NOX1: variants seen among roughly 807,000 people sequenced by gnomAD.
NOX1 encodes NADH/NADPH mitogenic oxidase subunit P65-MOX.
Under a neutral mutation model 42.5 loss-of-function variants are expected in NOX1, and 34 were observed. That is an observed-to-expected ratio of 0.80 (90% CI 0.61 to 1.07). NOX1 has a LOEUF of 1.07. Among genes scored for constraint, NOX1 ranks in the 50% least tolerant of loss-of-function variants. The pLI is 0.00. For missense variants in NOX1, 408 were observed against 427.0 expected, an observed-to-expected ratio of 0.96 and a Z score of 0.39; for synonymous variants, 143 against 152.5, an observed-to-expected ratio of 0.94 and a Z score of 0.46.
chrX:100,862,206 A>G lies in NOX1; in HGVS notation c.769T>C (p.Cys257Arg), dbSNP rs1418513902. Reference sequence around the variant, plus strand: ...TGCCCTTCAAACTTAGGGCGCCTACAGTGGGAGTCACGATCATCCCACATC... The same window carrying G: ...TGCCCTTCAAACTTAGGGCGCCTACGGTGGGAGTCACGATCATCCCACATC... ...FEMWDDRDSH[C>R]RRPKFEGHPP... is the part of the protein sequence containing the mutation. The change falls in exon 7 of 13, where the codon TGT becomes CGT. Residue 257 changes from cysteine to arginine, a missense_variant. Cys to Arg is a radical substitution (Grantham distance 180, BLOSUM62 -3). Transcript: ENST00000372966. 8.3e-7 allele frequency: 1 copy of G among 1,211,833 alleles called. No individual in the cohort carries two copies. The highest frequency in any genetic ancestry group is 2.2e-5 in the Admixed American group (1 of 46,099).
chrX:100,852,662 C>T (rs150091317), intron 7 of NOX1, among the ~76,000 whole-genome samples: 1 of 111,584 alleles, frequency 9.0e-6, no homozygotes, highest in Admixed American at 9.6e-5. Context: ...CTGGTGCAAG[C>T]AAATAACTTC....
At chrX:100,853,326 C>T (rs55746837) in intron 7 of NOX1, among the ~76,000 whole-genome samples, 1,723 of 19,802 alleles carry the variant, frequency 0.087, 86 homozygotes, top group African/African-American at 0.24. Context: ...TTCTTTCTCT[C>T]TCTTTCTCTT....
At chrX:100,853,635 G>A (rs1280467294) in intron 7 of NOX1, among the ~76,000 whole-genome samples, 3 of 96,751 alleles carry the variant, frequency 3.1e-5, no homozygotes, top group South Asian at 1.1e-3. Flanking sequence ...TGCTGGCCTC[G>A]AATGATCCAC....
At position 100,862,289 on chromosome X, in the gene NOX1, C is replaced by A; in HGVS notation, c.686G>T (p.Gly229Val). ...CTCATTCATGCTCTCCTCTGTTTGA[C>A]CCCGGACAATTCCACTGAAATAGAC... is the stretch of plus-strand genomic sequence containing the variant. The part of the protein sequence containing the change: ...GIHGIGGIVR[G>V]QTEESMNESH... The change falls in exon 7 of 13, where the codon GGT becomes GTT. Residue 229 changes from glycine to valine, a missense_variant. Gly to Val is a moderately radical substitution (Grantham distance 109). Coordinates refer to ENST00000372966, the MANE Select transcript of NOX1 (RefSeq NM_007052.5). The A allele has an allele frequency of 8.3e-7, 1 of 1,211,180 alleles. No homozygotes were observed. The highest frequency in any genetic ancestry group is 3.0e-5 in the East Asian group (1 of 33,803).
intron 7 of NOX1, among the ~76,000 whole-genome samples, chrX:100,853,323 TC>T (rs1409222998): frequency 0.028 from 555 of 19,931 alleles, 15 homozygotes; most frequent in African/African-American, 0.13. Flanking sequence ...TCTTTCTTTC[TC>T]TCTCTTTCTC....
chrX:100,866,179 G>A (rs942752468), intron 2 of NOX1, among the ~76,000 whole-genome samples: 4 of 105,342 alleles, frequency 3.8e-5, no homozygotes, highest in African/African-American at 7.0e-5. Context: ...CAGAGATTGC[G>A]CCACTGCACT....
rs747287139 is a variant in NOX1 at position 100,849,303 on chromosome X, G to A, written c.1420C>T (p.Leu474Phe). Residue 474 changes from leucine to phenylalanine, a missense_variant, in exon 11 of 13, where the codon CTC (leucine) becomes TTC (phenylalanine). Leu to Phe is a conservative substitution (Grantham distance 22). Transcript: ENST00000372966. ...KVGFLNYRLF[L>F]TGWDSNIVGH... is the part of the protein sequence containing the mutation. Reference sequence around the variant, plus strand: ...ACAATATTGCTGTCCCATCCGGTGAGGAAGAGACGGTAGTTTAGAAAACCC... The same window carrying A: ...ACAATATTGCTGTCCCATCCGGTGAAGAAGAGACGGTAGTTTAGAAAACCC... 13 of 1,209,727 alleles carry A rather than the reference G, an allele frequency of 1.1e-5. No homozygotes were observed. Among genetic ancestry groups the A allele is most frequent in the Non-Finnish European group, 1.5e-5 (13 of 894,965 alleles).
intron 12 of NOX1, among the ~76,000 whole-genome samples, chrX:100,845,617 T>G (rs892512011): frequency 1.1e-5 from 1 of 92,929 alleles, no homozygotes; most frequent in Non-Finnish European, 2.1e-5. Flanking sequence ...ATGTGTTTTT[T>G]TTTTTTTTTT....
At position 100,849,760 on chromosome X, in the gene NOX1, A is replaced by G. The variant is rs1569444375; in HGVS notation, c.1296+12T>C. The G allele has an allele frequency of 1.1e-5, 13 of 1,190,817 alleles. No homozygotes were observed. Among genetic ancestry groups the G allele is most frequent in the Non-Finnish European group, 1.5e-5 (13 of 884,395 alleles). ...ACTCAGGCCAGAAGAAAAGTGATAT[A>G]CGGGATTATACCTTTTTTGTTTTGA... is the stretch of plus-strand genomic sequence containing the variant. On this transcript the variant is annotated intron_variant, in intron 10 of 12. Coordinates refer to ENST00000372966, the MANE Select transcript of NOX1 (RefSeq NM_007052.5).
At chrX:100,869,737 G>A (rs1311806888) in intron 2 of NOX1, among the ~76,000 whole-genome samples, 2 of 92,076 alleles carry the variant, frequency 2.2e-5, no homozygotes, top group East Asian at 7.1e-4. Flanking sequence ...CCTGTCTTGT[G>A]CCAGTTTTCA....
intron 4 of NOX1, 27 bp from the exon 5 acceptor site, chrX:100,862,847 T>C: frequency 8.5e-7 from 1 of 1,174,608 alleles, no homozygotes. Context: ...AAAGAAATGT[T>C]AAGAGGCATC....
intron 4 of NOX1, 97 bp downstream of exon 4, chrX:100,863,062 G>T (rs2085216183): frequency 7.2e-6 from 5 of 697,535 alleles, no homozygotes; most frequent in African/African-American, 4.2e-5. Context: ...AGTGCCCAGT[G>T]CTCGATAAAT....
chrX:100,845,611 GTTT>G (rs773049273), intron 12 of NOX1, among the ~76,000 whole-genome samples: 2 of 42,779 alleles, frequency 4.7e-5, no homozygotes, highest in African/African-American at 1.2e-4. Context: ...GAAACTATGT[GTTT>G]TTTTTTTTTT....
At chrX:100,852,402 G>A (rs1007061512) in intron 7 of NOX1, among the ~76,000 whole-genome samples, 23 of 111,745 alleles carry the variant, frequency 2.1e-4, no homozygotes, top group African/African-American at 5.8e-4. Context: ...CCAGGAGGTC[G>A]CAGTGAGCCC....
intron 12 of NOX1, among the ~76,000 whole-genome samples, chrX:100,845,656 C>T (rs1472969198): frequency 1.3e-3 from 130 of 98,263 alleles, no homozygotes; most frequent in Non-Finnish European, 2.1e-3. Context: ...TGCACTGTCA[C>T]CCGGGCTGGA....
intron 12 of NOX1, among the ~76,000 whole-genome samples, chrX:100,848,310 G>A (rs1267078247): frequency 9.2e-6 from 1 of 108,912 alleles, no homozygotes; most frequent in Non-Finnish European, 1.9e-5. Context: ...TTTCTTTTGA[G>A]ACAGAGTTTC....
At position 100,862,664 on chromosome X, in the gene NOX1, CT is replaced by C. The variant is rs763684322; in HGVS notation, c.489+4del. ...CTCAGATGCTTTGCTAGAAAGTCAA[CT>C]CACCGTGTTTCGGGACTGGATGGGA... On this transcript the variant is annotated splice_donor_region_variant and intron_variant, in intron 5 of 12. Coordinates refer to ENST00000372966, the MANE Select transcript of NOX1 (RefSeq NM_007052.5). 12 of 1,191,617 alleles carry C rather than the reference CT, an allele frequency of 1.0e-5. No individual in the cohort carries two copies. The highest frequency in any genetic ancestry group is 1.4e-5 in the Non-Finnish European group (12 of 887,050).
chrX:100,862,021 T>G, intron 7 of NOX1, 150 bp downstream of exon 7: 1 of 611,979 alleles, frequency 1.6e-6, no homozygotes, highest in South Asian at 4.2e-5. Flanking sequence ...TGGAAGTTTC[T>G]TAAAGGTAGG....
At chrX:100,846,824 C>G (rs1433693035) in intron 12 of NOX1, among the ~76,000 whole-genome samples, 1 of 112,565 alleles carries the variant, frequency 8.9e-6, no homozygotes, top group East Asian at 2.8e-4. Flanking sequence ...TAATATGACC[C>G]TTGTCTTACA....
Sources: gnomAD v4.1 joint callset for allele counts (sites outside exome capture counted in the v4.1 genomes callset) on GRCh38, gnomAD v4.1.1 for gene constraint, MANE v1.5 for transcripts, NCBI Gene and HGNC (gene_info 2026-07-23, HGNC 2026-07-21) for gene names.